ADCY1: variants seen among roughly 807,000 people sequenced by gnomAD.
The protein encoded by ADCY1 is adenylate cyclase type 1.
A neutral mutation model predicts 105.4 loss-of-function variants in ADCY1; 28 were observed. The ratio of observed to expected loss-of-function variants is 0.27; its 90% CI spans 0.20 to 0.36. ADCY1 has a LOEUF of 0.36. ADCY1 is among the 10% of genes least tolerant of loss of function. The pLI, the probability that ADCY1 is intolerant of heterozygous loss-of-function variation, is 1.00. For synonymous variants in ADCY1, 655 were observed against 623.8 expected (o/e 1.05, Z -0.75); for missense variants, 977 against 1,434.2 (o/e 0.68, Z 5.15).
intron 1 of ADCY1, among the ~76,000 whole-genome samples, chr7:45,578,282 C>A (rs535708478): frequency 6.6e-6 from 1 of 152,296 alleles, no homozygotes; most frequent in South Asian, 2.1e-4. Flanking sequence ...CAGCCTTGTT[C>A]CTACCTGGGC....
intron 2 of ADCY1, among the ~76,000 whole-genome samples, chr7:45,596,647 G>A (rs1793081300): frequency 6.6e-6 from 1 of 152,226 alleles, no homozygotes; most frequent in African/African-American, 2.4e-5. Context: ...GGGACCAGAA[G>A]ATGGGGGCTG....
At chr7:45,606,515 A>G (rs1793377986) in intron 2 of ADCY1, among the ~76,000 whole-genome samples, 1 of 152,206 alleles carries the variant, frequency 6.6e-6, no homozygotes, top group South Asian at 2.1e-4. Flanking sequence ...TCAGTCTGGC[A>G]TATATGAGGC....
chr7:45,589,992 G>A (rs1440729944), intron 1 of ADCY1, among the ~76,000 whole-genome samples: 1 of 152,158 alleles, frequency 6.6e-6, no homozygotes, highest in African/African-American at 2.4e-5. Context: ...ACAGAAATGG[G>A]GAGGCAAGCT....
chr7:45,610,330 G>A (rs975544555), intron 2 of ADCY1, 49 bp from the exon 3 acceptor site: 6 of 1,538,728 alleles, frequency 3.9e-6, no homozygotes, highest in Admixed American at 3.4e-5. Context: ...GAGGAGGAGT[G>A]GAGGGAGGGG....
intron 1 of ADCY1, among the ~76,000 whole-genome samples, chr7:45,590,865 G>A (rs1008081893): frequency 6.6e-6 from 1 of 152,184 alleles, no homozygotes; most frequent in East Asian, 1.9e-4. Context: ...CCTCCTGCCT[G>A]TGCCTTTGCC....
chr7:45,662,161 T>C lies in ADCY1; in HGVS notation c.1552T>C (p.Phe518Leu). The change falls in exon 8 of 20, where the codon TTC (phenylalanine) becomes CTC (leucine). Residue 518 changes from phenylalanine (F) to leucine (L), a missense_variant. This residue lies in a region of ADCY1 where 66 missense variants were observed against 127.2 expected (regional missense o/e 0.52). Coordinates refer to ENST00000297323, the MANE Select transcript of ADCY1 (RefSeq NM_021116.4). ...LVQLMHCRKM[F>L]KAEIPFSNVM... ...GCAGCTCATGCACTGCCGGAAAATG[T>C]TCAAGGCCGAGATCCCCTTCTCCAA... is the stretch of plus-strand genomic sequence containing the variant. The C allele has an allele frequency of 6.2e-7, 1 of 1,614,060 alleles. No individual in the cohort carries two copies. Among genetic ancestry groups the C allele is most frequent in the Non-Finnish European group, 8.5e-7 (1 of 1,180,006 alleles).
At chr7:45,648,572 C>G in intron 4 of ADCY1, 98 bp from the exon 5 acceptor site, 1 of 1,535,216 alleles carries the variant, frequency 6.5e-7, no homozygotes, top group Non-Finnish European at 8.9e-7. Flanking sequence ...CTTGCCAGCG[C>G]TCTGTGGCCA....
intron 4 of ADCY1, among the ~76,000 whole-genome samples, chr7:45,645,390 G>A (rs998767332): frequency 6.6e-6 from 1 of 152,118 alleles, no homozygotes; most frequent in African/African-American, 2.4e-5. Flanking sequence ...GTCCTTTTCT[G>A]CGGTGGCCAT....
intron 12 of ADCY1, 131 bp from the exon 13 acceptor site, chr7:45,685,831 T>G: frequency 1.7e-6 from 2 of 1,159,728 alleles, no homozygotes; most frequent in Non-Finnish European, 2.4e-6. Flanking sequence ...TGTGGCTTGG[T>G]GTGATAGCAC....
intron 14 of ADCY1, among the ~76,000 whole-genome samples, chr7:45,691,635 A>G (rs1784788546): frequency 6.6e-6 from 1 of 152,230 alleles, no homozygotes; most frequent in South Asian, 2.1e-4. Flanking sequence ...CATTCAGTAG[A>G]TAATCATCAT....
In ADCY1 at chr7:45,610,399, C is replaced by T. The variant is rs761761091; in HGVS notation, c.810C>T (p.Leu270=). Reference sequence around the variant, plus strand: ...TCCAGGAGCGGCTCCTCATGAGCCTCCTGCCCCGGAACGTTGCCATGGAGA... The same window carrying T: ...TCCAGGAGCGGCTCCTCATGAGCCTTCTGCCCCGGAACGTTGCCATGGAGA... ...NEKQERLLMS[L]LPRNVAMEMK... is the part of the protein sequence containing the mutation. Residue 270 remains leucine, a synonymous_variant, in exon 3 of 20, where the codon CTC becomes CTT. Transcript: ENST00000297323. 4 of 1,613,706 alleles carry T rather than the reference C, an allele frequency of 2.5e-6. No homozygotes were observed. Among genetic ancestry groups the T allele is most frequent in the Admixed American group, 1.7e-5 (1 of 59,994 alleles).
chr7:45,622,481 A>T, intron 3 of ADCY1, 151 bp from the exon 4 acceptor site: 1 of 625,156 alleles, frequency 1.6e-6, no homozygotes, highest in Non-Finnish European at 2.8e-6. Context: ...GTATGATGGG[A>T]ACCAGGAAGC....
chr7:45,631,962 T>G (rs771913294), intron 4 of ADCY1, among the ~76,000 whole-genome samples: 1 of 152,248 alleles, frequency 6.6e-6, no homozygotes, highest in African/African-American at 2.4e-5. Context: ...AAGTTTATAA[T>G]ACATTTGGAG....
intron 6 of ADCY1, 102 bp downstream of exon 6, chr7:45,657,987 C>A: frequency 7.6e-7 from 1 of 1,321,516 alleles, no homozygotes; most frequent in Non-Finnish European, 1.0e-6. Flanking sequence ...CTTGAGGGCA[C>A]TTGTGTGAGT....
intron 8 of ADCY1, among the ~76,000 whole-genome samples, chr7:45,666,136 C>G (rs1296682269): frequency 6.6e-6 from 1 of 152,044 alleles, no homozygotes; most frequent in Admixed American, 6.6e-5. Flanking sequence ...TCTTTTCTCT[C>G]TCTTTTTTTT....
intron 4 of ADCY1, among the ~76,000 whole-genome samples, chr7:45,635,182 G>A (rs1794367439): frequency 6.6e-6 from 1 of 150,434 alleles, no homozygotes; most frequent in Non-Finnish European, 1.5e-5. Flanking sequence ...GTTCTTCATA[G>A]TATTTCCTTG....
At chr7:45,637,805 C>CT (rs1794432446) in intron 4 of ADCY1, among the ~76,000 whole-genome samples, 1 of 152,158 alleles carries the variant, frequency 6.6e-6, no homozygotes, top group African/African-American at 2.4e-5. Context: ...AGTTTTCGTA[C>CT]TTCAGAAAGA....
At chr7:45,632,828 G>A (rs183724248) in intron 4 of ADCY1, among the ~76,000 whole-genome samples, 5 of 151,934 alleles carry the variant, frequency 3.3e-5, no homozygotes, top group Non-Finnish European at 5.9e-5. Context: ...CCTTGGCCTC[G>A]CAAAGTTGCA....
chr7:45,638,097 G>C (rs1794440557), intron 4 of ADCY1, among the ~76,000 whole-genome samples: 1 of 151,902 alleles, frequency 6.6e-6, no homozygotes, highest in South Asian at 2.1e-4. Flanking sequence ...TGAGCTTCTT[G>C]CATCTGTAGT....
Sources: allele counts gnomAD v4.1 joint callset (sites outside exome capture counted in the v4.1 genomes callset), GRCh38; gene constraint gnomAD v4.1.1; regional missense constraint gnomAD v4.1.1; transcripts MANE v1.5; gene names NCBI Gene and HGNC (gene_info 2026-07-23, HGNC 2026-07-21).